ACAN: variants seen among roughly 807,000 people sequenced by gnomAD.
ACAN encodes aggrecan.
Under a neutral mutation model 169.1 loss-of-function variants are expected in ACAN, and 47 were observed. The ratio of observed to expected loss-of-function variants is 0.28; its 90% confidence interval spans 0.22 to 0.35. The LOEUF is 0.35. Among genes scored for constraint, ACAN ranks in the 10% least tolerant of loss-of-function variants. The pLI, the probability that ACAN is intolerant of heterozygous loss-of-function variation, is 1.00. For missense variants in ACAN, 2,716 were observed against 2,759.9 expected (o/e 0.98, Z 0.36); for synonymous variants, 1,115 against 1,112.2 (o/e 1.00, Z -0.05).
At chr15:88,827,534 C>T (rs764064111) in intron 1 of ACAN, among the ~76,000 whole-genome samples, 12 of 150,576 alleles carry the variant, frequency 8.0e-5, no homozygotes, top group African/African-American at 1.2e-4. Context: ...CATTTAAATT[C>T]GATATAGATG....
rs1273679415 is a variant in ACAN, at chr15:88,855,116, C to T, written c.2531C>T (p.Pro844Leu). 6 of 1,606,276 alleles carry T rather than the reference C, an allele frequency of 3.7e-6. No homozygotes were observed. Among genetic ancestry groups the T allele is most frequent in the African/African-American group, 1.3e-5 (1 of 74,908 alleles). The change falls in exon 12 of 19, where the codon CCT becomes CTT. Residue 844 changes from proline (P) to leucine (L), a missense_variant. Around this residue, in one of 3 missense-constraint regions of ACAN, gnomAD observed 1,283 missense variants for 1,281.5 expected, o/e 1.00. Transcript: ENST00000560601. ...TCAGCCTCGGAAGAGCCGTATACAC[C>T]TTCACCCCCCGTGCCCAGCTGGACT... Reference protein sequence around the residue: ...EPSASEEPYTPSPPVPSWTEL... With the variant: ...EPSASEEPYTLSPPVPSWTEL...
chr15:88,829,788 C>T (rs1896314181), intron 1 of ACAN, among the ~76,000 whole-genome samples: 1 of 152,194 alleles, frequency 6.6e-6, no homozygotes, highest in Non-Finnish European at 1.5e-5. Context: ...CGTCTACTTA[C>T]TCATCTAACA....
chr15:88,841,895 C>G (rs1177866070), intron 5 of ACAN, 28 bp downstream of exon 5: 2 of 1,612,040 alleles, frequency 1.2e-6, no homozygotes, highest in South Asian at 2.2e-5. Flanking sequence ...CCAGGAGGCA[C>G]CCAGCTCCCT....
Position 88,855,379 on chromosome 15 carries a change from C to T in ACAN, c.2794C>T (p.Pro932Ser), listed in dbSNP as rs1295619279. 5.0e-6 allele frequency: 8 copies of T among 1,613,172 alleles called. No homozygotes were observed. The highest frequency in any genetic ancestry group is 1.3e-5 in the African/African-American group (1 of 75,036). ...AGAGAGAATTGAGTGGCCCAGCACT[C>T]CTACGGTTGGTGAACTGCCCTCTGG... is the stretch of plus-strand genomic sequence containing the variant. ...DEERIEWPST[P>S]TVGELPSGAE... Residue 932 changes from proline to serine, a missense_variant, in exon 12 of 19, where the codon CCT (proline) becomes TCT (serine). By Grantham distance (74) the Pro-to-Ser change is moderately conservative (BLOSUM62 -1). Coordinates refer to ENST00000560601, the MANE Select transcript of ACAN (RefSeq NM_001369268.1).
chr15:88,868,168 C>A lies in ACAN; in HGVS notation c.6947-48C>A, dbSNP rs1897310388. 1 of 690,576 alleles carries A rather than the reference C, an allele frequency of 1.4e-6. No individual in the cohort carries two copies. The highest frequency in any genetic ancestry group is 1.8e-5 in the African/African-American group (1 of 57,090). The allele number at this position is 690,576 out of a possible 1,614,324, so 42.8% of individuals were successfully genotyped here. ...AAAGGAGGCCACAGTGCTTGTGAGG[C>A]TGGAGTTGCCGGCAGGAGTCCTAAT... On this transcript the variant is annotated intron_variant, in intron 13 of 18. Transcript: ENST00000560601. The surrounding 1 kb of genome is among the most constrained non-coding windows in gnomAD (Gnocchi z 5.2).
At chr15:88,804,082 C>A (rs1423694684) in intron 1 of ACAN, among the ~76,000 whole-genome samples, 3 of 152,150 alleles carry the variant, frequency 2.0e-5, no homozygotes, top group Admixed American at 6.5e-5. Context: ...AACAAGGGAG[C>A]CTTTTCTCCA....
chr15:88,848,471 C>T (rs142050326), intron 9 of ACAN, among the ~76,000 whole-genome samples: 2,100 of 152,280 alleles, frequency 0.014, 42 homozygotes, highest in Middle Eastern at 0.068. Flanking sequence ...AATCCCAGCA[C>T]TTTGAGAGGC....
chr15:88,841,613 A>G (rs1358140352), intron 4 of ACAN, 127 bp from the exon 5 acceptor site: 1 of 1,225,986 alleles, frequency 8.2e-7, no homozygotes, highest in Admixed American at 1.9e-5. Context: ...TGACATATTC[A>G]GAAGAGACAT....
rs942645048 is a variant in ACAN, at chr15:88,871,581, C to T, written c.7219+41C>T. 8.3e-6 allele frequency: 13 copies of T among 1,574,396 alleles called. No homozygotes were observed. Among genetic ancestry groups the T allele is most frequent in the African/African-American group, 5.4e-5 (4 of 74,490 alleles). ...CCTCTGGAGCCTGAGAGGAGAGTGG[C>T]GGTGTAGGCAAAGGGCCTCACCTTT... On this transcript the variant is annotated intron_variant, in intron 15 of 18. Coordinates refer to ENST00000560601, the MANE Select transcript of ACAN (RefSeq NM_001369268.1). The surrounding 1 kb of genome is among the most constrained non-coding windows in gnomAD (Gnocchi z 7.8).
At chr15:88,847,850 G>A in intron 8 of ACAN, 61 bp from the exon 9 acceptor site, 1 of 1,587,436 alleles carries the variant, frequency 6.3e-7, no homozygotes, top group Non-Finnish European at 8.6e-7. Context: ...TCAGCCCAGG[G>A]CCGTGCATCT....
In ACAN at chr15:88,859,040, G is replaced by C; in HGVS notation, c.6455G>C (p.Ser2152Thr). The C allele has an allele frequency of 6.2e-7, 1 of 1,613,964 alleles. No homozygotes were observed. Among genetic ancestry groups the C allele is most frequent in the Non-Finnish European group, 8.5e-7 (1 of 1,179,882 alleles). ...ERSSGLGVSG[S>T]TLTFQEGEAS... The stretch of plus-strand genomic sequence containing the variant: ...TCCTCTGGCCTAGGAGTGAGCGGCA[G>C]CACTTTGACATTTCAAGAAGGCGAG... Residue 2152 changes from serine (S) to threonine (T), a missense_variant, in exon 12 of 19, where the codon AGC becomes ACC. By Grantham distance (58) the Ser-to-Thr change is moderately conservative (BLOSUM62 1). This residue lies in a region of ACAN where 1,389 missense variants were observed against 1,363.7 expected (regional missense o/e 1.02). Transcript: ENST00000560601.
At chr15:88,827,285 T>C (rs1896247664) in intron 1 of ACAN, among the ~76,000 whole-genome samples, 1 of 152,194 alleles carries the variant, frequency 6.6e-6, no homozygotes, top group South Asian at 2.1e-4. Context: ...TTATTTGAAC[T>C]CACATCCTAG....
chr15:88,827,352 C>G (rs1009589964), intron 1 of ACAN, among the ~76,000 whole-genome samples: 1 of 152,212 alleles, frequency 6.6e-6, no homozygotes. Context: ...GGGTGGGGGG[C>G]CCCATTGTTT....
At position 88,871,739 on chromosome 15, in the gene ACAN, G is replaced by A. The variant is rs1897384715; in HGVS notation, c.7219+199G>A. ...GGGCCAGAAGCTGTGGCTGCAGCCAGGGCAGACCCATTGCCAGCCAGAGTC... is the reference window on the plus strand; with the variant it reads ...GGGCCAGAAGCTGTGGCTGCAGCCAAGGCAGACCCATTGCCAGCCAGAGTC... On this transcript the variant is annotated intron_variant, in intron 15 of 18. Transcript: ENST00000560601. The surrounding 1 kb of genome is among the most constrained non-coding windows in gnomAD (Gnocchi z 7.8). Among the ~76,000 whole-genome samples the A allele has an allele frequency of 6.6e-6, 1 of 152,226 alleles. No homozygotes were observed. The highest frequency in any genetic ancestry group is 2.1e-4 in the South Asian group (1 of 4,832).
At position 88,814,733 on chromosome 15, in the gene ACAN, G is replaced by A. The variant is rs1022541599; in HGVS notation, c.-8+10924G>A. ...TCTCTGGGACTGCGCTGCAGATGTT[G>A]TACTACAAAGGCTGGATCAACAAGA... On this transcript the variant is annotated intron_variant, in intron 1 of 18. Coordinates refer to ENST00000560601, the MANE Select transcript of ACAN (RefSeq NM_001369268.1). This position sits in a 1 kb window ranked among gnomAD's most constrained non-coding sequence, Gnocchi z 4.0. Among the ~76,000 whole-genome samples the A allele has an allele frequency of 2.0e-5, 3 of 152,196 alleles. No individual in the cohort carries two copies. The highest frequency in any genetic ancestry group is 1.5e-5 in the Non-Finnish European group (1 of 68,032).
chr15:88,811,301 A>G (rs1398800641), intron 1 of ACAN, among the ~76,000 whole-genome samples: 1 of 152,222 alleles, frequency 6.6e-6, no homozygotes, highest in Non-Finnish European at 1.5e-5. Context: ...TTCCTAAAGC[A>G]GATGGAGGGA....
chr15:88,863,103 G>C (rs894374822), intron 13 of ACAN, among the ~76,000 whole-genome samples: 6 of 151,922 alleles, frequency 3.9e-5, no homozygotes, highest in African/African-American at 1.5e-4. Context: ...GAATCCTCAG[G>C]GAAAACTTCC....
intron 1 of ACAN, among the ~76,000 whole-genome samples, chr15:88,811,393 G>C (rs1895816644): frequency 6.6e-6 from 1 of 152,228 alleles, no homozygotes; most frequent in East Asian, 1.9e-4. Flanking sequence ...CCCAGGCCAA[G>C]GGGCAAGGGG....
In ACAN at chr15:88,803,456, G is replaced by A. The variant is rs1392619955; in HGVS notation, c.-361G>A. On this transcript the variant is annotated 5_prime_UTR_variant, in exon 1 of 19. Transcript: ENST00000560601. ...CGCCCGCCCGCCCACCTACCTCCCC[G>A]CCGCTCCAGAGGGGGCTCGCAGAGC... The A allele has an allele frequency of 1.6e-5, 1 of 62,444 alleles. No individual in the cohort carries two copies. The highest frequency in any genetic ancestry group is 6.0e-4 in the East Asian group (1 of 1,672). 3.9% of individuals were successfully genotyped at this position (62,444 alleles called of 1,614,324 possible). A position where few individuals can be genotyped will look rare whatever the true frequency, so the allele number is the denominator to read the frequency against.
Sources: gnomAD v4.1 joint callset for allele counts (sites outside exome capture counted in the v4.1 genomes callset) on GRCh38, gnomAD v4.1.1 for gene constraint, gnomAD v4.1.1 regional missense constraint, Gnocchi (gnomAD v3.1) non-coding constraint, MANE v1.5 for transcripts, NCBI Gene and HGNC (gene_info 2026-07-23, HGNC 2026-07-21) for gene names.